AIG1: variants seen among roughly 807,000 people sequenced by gnomAD.
AIG1 encodes androgen-induced gene 1 protein.
In AIG1, 23 loss-of-function variants were observed where a neutral mutation model predicts 31.4. The ratio of observed to expected loss-of-function variants is 0.73; its 90% CI spans 0.53 to 1.04. The LOEUF (loss-of-function observed/expected upper bound fraction) is 1.04. Among genes scored for constraint, AIG1 ranks in the 50% least tolerant of loss-of-function variants. The pLI, the probability that AIG1 is intolerant of heterozygous loss-of-function variation, is 0.00. For missense variants in AIG1, 274 were observed against 295.0 expected (o/e 0.93, Z 0.52); for synonymous variants, 100 against 110.5 (o/e 0.90, Z 0.60).
chr6:143,314,380 G>C (rs1775560092), intron 4 of AIG1, among the ~76,000 whole-genome samples: 1 of 151,344 alleles, frequency 6.6e-6, no homozygotes, highest in African/African-American at 2.4e-5. Flanking sequence ...AGAAAAGGGA[G>C]AAAGAACTGT....
chr6:143,339,076 A>C (rs1319125510), intron 5 of AIG1: 1 of 152,318 alleles, frequency 6.6e-6, no homozygotes, highest in Non-Finnish European at 1.5e-5. Context: ...GATTGGGTTG[A>C]ATAGAGAGAG....
rs1224357070 is a variant in AIG1 at position 143,280,593 on chromosome 6, C to T, written c.400-3517C>T. 2.0e-5 allele frequency among the ~76,000 whole-genome samples: 3 copies of T among 152,168 alleles called. No individual in the cohort carries two copies. Among genetic ancestry groups the T allele is most frequent in the Non-Finnish European group, 4.4e-5 (3 of 68,040 alleles). On this transcript the variant is annotated intron_variant, in intron 3 of 5. Coordinates refer to ENST00000357847, the MANE Select transcript of AIG1 (RefSeq NM_016108.4). This position sits in a 1 kb window ranked among gnomAD's most constrained non-coding sequence, Gnocchi z 4.1. ...GCAGGAGCATGGATGGAGATGGAGGCTGTAATCCTTAGCAAACTAATGCAG... is the reference window on the plus strand; with the variant it reads ...GCAGGAGCATGGATGGAGATGGAGGTTGTAATCCTTAGCAAACTAATGCAG...
intron 4 of AIG1, among the ~76,000 whole-genome samples, chr6:143,308,765 C>T (rs189079072): frequency 3.9e-5 from 6 of 152,250 alleles, no homozygotes; most frequent in East Asian, 3.9e-4. Flanking sequence ...CCTTCCTATA[C>T]GATACCTGAA....
At chr6:143,170,055 G>A (rs1025140535) in intron 3 of AIG1, among the ~76,000 whole-genome samples, 1 of 151,840 alleles carries the variant, frequency 6.6e-6, no homozygotes, top group African/African-American at 2.4e-5. Context: ...TAAATTTTTT[G>A]GTTCTGTCCT....
At chr6:143,219,513 G>C (rs1290045091) in intron 3 of AIG1, among the ~76,000 whole-genome samples, 2 of 152,084 alleles carry the variant, frequency 1.3e-5, no homozygotes, top group East Asian at 3.9e-4. Context: ...GGAGTCAATT[G>C]GTGATTTTCA....
Position 143,284,067 on chromosome 6 carries a change from CA to C in AIG1, c.400-41del. ...TGGTGAAAAAACAACTATAGAGAGA[CA>C]ATGATAGCAATCTGTGTCACCTAGT... On this transcript the variant is annotated intron_variant, in intron 3 of 5. Transcript: ENST00000357847. This position sits in a 1 kb window ranked among gnomAD's most constrained non-coding sequence, Gnocchi z 4.4. 1 of 1,446,518 alleles carries C rather than the reference CA, an allele frequency of 6.9e-7. No homozygotes were observed. Among genetic ancestry groups the C allele is most frequent in the Non-Finnish European group, 9.7e-7 (1 of 1,030,846 alleles). 89.6% of individuals were successfully genotyped at this position (1,446,518 alleles called of 1,614,324 possible).
At chr6:143,111,158 CTGTT>C (rs1781241897) in intron 1 of AIG1, among the ~76,000 whole-genome samples, 1 of 152,154 alleles carries the variant, frequency 6.6e-6, no homozygotes, top group Non-Finnish European at 1.5e-5. Flanking sequence ...GGTTACTACT[CTGTT>C]TTTCTTTTCT....
At chr6:143,294,550 A>G (rs1798291960) in intron 4 of AIG1, among the ~76,000 whole-genome samples, 1 of 152,216 alleles carries the variant, frequency 6.6e-6, no homozygotes, top group Admixed American at 6.5e-5. Context: ...TGGCATTACC[A>G]TTAAACTAAT....
intron 3 of AIG1, among the ~76,000 whole-genome samples, chr6:143,276,507 G>A (rs1371860975): frequency 2.6e-5 from 4 of 152,144 alleles, no homozygotes; most frequent in Non-Finnish European, 5.9e-5. Context: ...TCCAACATAT[G>A]CCAAAAAGGC....
intron 4 of AIG1, among the ~76,000 whole-genome samples, chr6:143,307,521 G>A (rs1426150139): frequency 1.7e-4 from 26 of 152,282 alleles, no homozygotes; most frequent in South Asian, 1.2e-3. Flanking sequence ...GTGGATTTTC[G>A]TGAACCGCGA....
intron 4 of AIG1, among the ~76,000 whole-genome samples, chr6:143,311,036 A>G (rs1013419710): frequency 2.0e-5 from 3 of 151,966 alleles, no homozygotes; most frequent in Admixed American, 2.0e-4. Flanking sequence ...AATGATACCA[A>G]TTCTTCACAA....
chr6:143,122,400 A>G, intron 1 of AIG1, among the ~76,000 whole-genome samples: 1 of 152,162 alleles, frequency 6.6e-6, no homozygotes, highest in Non-Finnish European at 1.5e-5. Flanking sequence ...GTTTGTAAGA[A>G]TAGAAAGGTA....
At chr6:143,273,999 C>A (rs1163075378) in intron 3 of AIG1, among the ~76,000 whole-genome samples, 1 of 152,198 alleles carries the variant, frequency 6.6e-6, no homozygotes, top group Non-Finnish European at 1.5e-5. Flanking sequence ...TGGAGTTACT[C>A]TCCCTTCTTC....
chr6:143,113,448 C>CA lies in AIG1; in HGVS notation c.142-23382dup, dbSNP rs1339795679. Among the ~76,000 whole-genome samples, 4 of 151,200 alleles carry CA rather than the reference C, an allele frequency of 2.6e-5. No homozygotes were observed. The East Asian group carries it at 8.0e-4, about 30-fold the overall frequency. ...TGAAACCCCATCTCTACTAAAAATA[C>CA]AAAAATTAGCCGGGCATGGTGGCAT... On this transcript the variant is annotated intron_variant, in intron 1 of 5. Transcript: ENST00000357847.
At chr6:143,285,303 G>T (rs1209651957) in intron 4 of AIG1, among the ~76,000 whole-genome samples, 1 of 151,134 alleles carries the variant, frequency 6.6e-6, no homozygotes, top group Non-Finnish European at 1.5e-5. Flanking sequence ...ACATCCAGAG[G>T]ATGTCCATGT....
chr6:143,334,054 C>A lies in AIG1; in HGVS notation c.679+609C>A. 1 of 1,550,204 alleles carries A rather than the reference C, an allele frequency of 6.5e-7. No homozygotes were observed. The highest frequency in any genetic ancestry group is 8.7e-7 in the Non-Finnish European group (1 of 1,146,806). On this transcript the variant is annotated intron_variant, in intron 5 of 5. Coordinates refer to ENST00000357847, the MANE Select transcript of AIG1 (RefSeq NM_016108.4). This position sits in a 1 kb window ranked among gnomAD's most constrained non-coding sequence, Gnocchi z 5.1. ...ACTCTTTTAACCTGTGATTTGATTT[C>A]TCTTTTGTTTCCATTTATGGCAGAG...
intron 2 of AIG1, among the ~76,000 whole-genome samples, chr6:143,162,726 C>T (rs1038039389): frequency 5.9e-5 from 9 of 152,186 alleles, no homozygotes; most frequent in African/African-American, 2.2e-4. Context: ...TCCAGAAACA[C>T]ATGTGCCTTT....
At chr6:143,061,203 C>G (rs774632475) in intron 1 of AIG1, 137 bp downstream of exon 1, 1 of 1,085,030 alleles carries the variant, frequency 9.2e-7, no homozygotes, top group South Asian at 1.3e-5. Context: ...GTGTCCTCGC[C>G]TCTTCCCCAG....
At chr6:143,242,673 G>A (rs1262942638) in intron 3 of AIG1, among the ~76,000 whole-genome samples, 2 of 152,230 alleles carry the variant, frequency 1.3e-5, no homozygotes, top group East Asian at 3.8e-4. Flanking sequence ...TCCATATGCT[G>A]AGTCACCACA....
Sources: gnomAD v4.1 joint callset for allele counts (sites outside exome capture counted in the v4.1 genomes callset) on GRCh38, gnomAD v4.1.1 for gene constraint, Gnocchi (gnomAD v3.1) non-coding constraint, MANE v1.5 for transcripts, NCBI Gene and HGNC (gene_info 2026-07-23, HGNC 2026-07-21) for gene names.